Variants in EME2 observed in about 807,000 individuals in gnomAD.
EME2 encodes structure-specific endonuclease subunit EME2.
Under a neutral mutation model 41.9 loss-of-function variants are expected in EME2, and 58 were observed. That is an observed-to-expected ratio of 1.38 (90% CI 1.12 to 1.72). EME2 has a LOEUF of 1.72. EME2 is among the 40% of genes most tolerant of loss of function. The pLI, the probability that EME2 is intolerant of heterozygous loss-of-function variation, is 0.00. For synonymous variants in EME2, 334 were observed against 239.3 expected, an observed-to-expected ratio of 1.40 and a Z score of -3.65; for missense variants, 695 against 541.9, an observed-to-expected ratio of 1.28 and a Z score of -2.81.
rs772425480 is a variant in EME2 at position 1,775,847 on chromosome 16, C to G, written c.830C>G (p.Ala277Gly). 4 of 1,611,358 alleles carry G rather than the reference C, an allele frequency of 2.5e-6. No individual in the cohort carries two copies. Among genetic ancestry groups the G allele is most frequent in the Non-Finnish European group, 3.4e-6 (4 of 1,179,658 alleles). ...TCCTTCTGCACAGCAGGGCGCTGGG[C>G]AGCCGGCGAGCCAGTGGCAAGAGAC... ...AFSFCTAGRW[A>G]AGEPVARDGA... Residue 277 changes from alanine to glycine, a missense_variant, in exon 7 of 8, where the codon GCA (alanine) becomes GGA (glycine). Coordinates refer to ENST00000568449, the MANE Select transcript of EME2 (RefSeq NM_001257370.2).
In EME2 at chr16:1,773,342, G is replaced by A; in HGVS notation, c.115G>A (p.Glu39Lys). 1 of 1,519,336 alleles carries A rather than the reference G, an allele frequency of 6.6e-7. No individual in the cohort carries two copies. Among genetic ancestry groups the A allele is most frequent in the South Asian group, 1.2e-5 (1 of 81,650 alleles). The allele number at this position is 1,519,336 out of a possible 1,614,324, so 94.1% of individuals were successfully genotyped here. A position where few individuals can be genotyped will look rare whatever the true frequency, so the allele number is the denominator to read the frequency against. The change falls in exon 1 of 8, where the codon GAG becomes AAG. Residue 39 changes from glutamate (E) to lysine (K), a missense_variant. By Grantham distance (56) the Glu-to-Lys change is moderately conservative. Coordinates refer to ENST00000568449, the MANE Select transcript of EME2 (RefSeq NM_001257370.2). ...CTGGGAGATCTCAGACTCCGACGCT[G>A]AGGACTCCGCCGGCTCGGAGGCCGC... ...PTWEISDSDAEDSAGSEAAAR... is the reference protein window; with the variant it reads ...PTWEISDSDAKDSAGSEAAAR...
intron 2 of EME2, 134 bp from the exon 3 acceptor site, chr16:1,774,126 C>T (rs2042674140): frequency 4.9e-6 from 4 of 820,402 alleles, no homozygotes; most frequent in African/African-American, 1.7e-5. Context: ...GAACACTGGG[C>T]TTCTGTAGAG....
chr16:1,775,883 T>C lies in EME2; in HGVS notation c.866T>C (p.Leu289Pro). Residue 289 changes from leucine (L) to proline (P), a missense_variant, in exon 7 of 8, where the codon CTG becomes CCG. Transcript: ENST00000568449. Reference sequence around the variant, plus strand: ...CCAGTGGCAAGAGACGGCGCAGGGCTGCAGGCGGCCTGGCGGAGGCAGATC... The same window carrying C: ...CCAGTGGCAAGAGACGGCGCAGGGCCGCAGGCGGCCTGGCGGAGGCAGATC... ...GEPVARDGAG[L>P]QAAWRRQIRQ... 1 of 1,612,548 alleles carries C rather than the reference T, an allele frequency of 6.2e-7. No homozygotes were observed. Among genetic ancestry groups the C allele is most frequent in the Non-Finnish European group, 8.5e-7 (1 of 1,179,828 alleles).
At position 1,778,286 on chromosome 16, in the gene EME2, A is replaced by G. The variant is rs1373733599; in HGVS notation, c.*2048A>G. 1 of 1,612,650 alleles carries G rather than the reference A, an allele frequency of 6.2e-7. No homozygotes were observed. The highest frequency in any genetic ancestry group is 8.5e-7 in the Non-Finnish European group (1 of 1,179,980). On this transcript the variant is annotated 3_prime_UTR_variant, in exon 8 of 8. Transcript: ENST00000568449. ...TTGTCACAGCTCAGCAGGGTGGCTG[A>G]TGACTTATTTAAGTCATCCCAGACC...
intron 4 of EME2, 39 bp from the exon 5 acceptor site, chr16:1,775,276 C>T (rs796541274): frequency 1.2e-6 from 2 of 1,604,336 alleles, no homozygotes; most frequent in East Asian, 2.2e-5. Flanking sequence ...GCAGGGCAGG[C>T]CCCATGGGGA....
intron 4 of EME2, 70 bp downstream of exon 4, chr16:1,775,202 T>C: frequency 1.3e-6 from 2 of 1,590,090 alleles, no homozygotes; most frequent in East Asian, 2.2e-5. Context: ...GGCACACTTC[T>C]GGGGTTGCTG....
rs554225447 is a variant in EME2 at position 1,773,122 on chromosome 16, C to T, written c.-106C>T. 9 of 1,390,702 alleles carry T rather than the reference C, an allele frequency of 6.5e-6. No individual in the cohort carries two copies. In the East Asian group the frequency reaches 2.0e-4, roughly 32 times the overall value. The allele number at this position is 1,390,702 out of a possible 1,614,324, so 86.1% of individuals were successfully genotyped here. A position where few individuals can be genotyped will look rare whatever the true frequency, so the allele number is the denominator to read the frequency against. On this transcript the variant is annotated 5_prime_UTR_variant, in exon 1 of 8. Transcript: ENST00000568449. ...GGACGCACCTTCTTCCGCGCCATGG[C>T]GGGTCCGCGTCCTCAGCGGTCCGGC...
chr16:1,776,353 C>A lies in EME2; in HGVS notation c.*115C>A. Reference sequence around the variant, plus strand: ...CCCTCAGCCTGGGTGGGTTCTCTGGCTGAGCAGGTCTGACCTCAGGGGAAG... The same window carrying A: ...CCCTCAGCCTGGGTGGGTTCTCTGGATGAGCAGGTCTGACCTCAGGGGAAG... On this transcript the variant is annotated 3_prime_UTR_variant, in exon 8 of 8. Transcript: ENST00000568449. The A allele has an allele frequency of 1.9e-6, 2 of 1,028,540 alleles. No homozygotes were observed. The highest frequency in any genetic ancestry group is 2.9e-6 in the Non-Finnish European group (2 of 688,962). 63.7% of individuals were successfully genotyped at this position (1,028,540 alleles called of 1,614,324 possible). A position where few individuals can be genotyped will look rare whatever the true frequency, so the allele number is the denominator to read the frequency against.
At chr16:1,774,689 T>G (rs1439733170) in intron 3 of EME2, among the ~76,000 whole-genome samples, 2 of 152,136 alleles carry the variant, frequency 1.3e-5, no homozygotes, top group Non-Finnish European at 2.9e-5. Flanking sequence ...CCAGGTAGCG[T>G]GGGGTTAGGC....
Position 1,776,310 on chromosome 16 carries a change from C to T in EME2, c.*72C>T. On this transcript the variant is annotated 3_prime_UTR_variant, in exon 8 of 8. Transcript: ENST00000568449. ...AGACACCCTGGGCGGTGGGGGAGGACCCCCAGCCACATGTGGACCCTCAGC... is the reference window on the plus strand; with the variant it reads ...AGACACCCTGGGCGGTGGGGGAGGATCCCCAGCCACATGTGGACCCTCAGC... 8.7e-6 allele frequency: 13 copies of T among 1,495,570 alleles called. 1 individual carries two copies. The South Asian group carries it at 1.3e-4, about 15-fold the overall frequency. The allele number at this position is 1,495,570 out of a possible 1,614,324, so 92.6% of individuals were successfully genotyped here. A position where few individuals can be genotyped will look rare whatever the true frequency, so the allele number is the denominator to read the frequency against.
chr16:1,778,504 C>A lies in EME2; in HGVS notation c.*2266C>A. The A allele has an allele frequency of 6.2e-7, 1 of 1,612,076 alleles. No homozygotes were observed. The highest frequency in any genetic ancestry group is 8.5e-7 in the Non-Finnish European group (1 of 1,179,650). On this transcript the variant is annotated 3_prime_UTR_variant, in exon 8 of 8. Transcript: ENST00000568449. ...GAGTGCAGGCTGCTACAGAAGGAGG[C>A]CTCGCTCTGCCCAGCACAGTCACAG...
At chr16:1,773,919 C>T (rs1333384671) in intron 2 of EME2, 78 bp downstream of exon 2, 6 of 1,454,696 alleles carry the variant, frequency 4.1e-6, no homozygotes. Context: ...GGAGCTGTCC[C>T]TGAGGCAGCT....
Position 1,781,550 on chromosome 16 carries a change from G to C in EME2, c.*5312G>C, listed in dbSNP as rs1352878993. On this transcript the variant is annotated 3_prime_UTR_variant, in exon 8 of 8. Coordinates refer to ENST00000568449, the MANE Select transcript of EME2 (RefSeq NM_001257370.2). Reference sequence around the variant, plus strand: ...GAAGACTCACAGCACTCCCAGCCCTGAGCTTCCAGGCTGGGCCACGGACCC... The same window carrying C: ...GAAGACTCACAGCACTCCCAGCCCTCAGCTTCCAGGCTGGGCCACGGACCC... The C allele has an allele frequency of 5.1e-6, 8 of 1,570,362 alleles. No homozygotes were observed. The highest frequency in any genetic ancestry group is 6.1e-6 in the Non-Finnish European group (7 of 1,156,994).
rs1227020968 is a variant in EME2, at chr16:1,773,582, G to C, written c.247+108G>C. ...CGCGCGTGCCGAGGGGCCTGGGGCC[G>C]GGCCCGCCTCCCAGTCGGGGGTTTG... On this transcript the variant is annotated intron_variant, in intron 1 of 7. Transcript: ENST00000568449. 16 of 1,518,114 alleles carry C rather than the reference G, an allele frequency of 1.1e-5. No individual in the cohort carries two copies. The East Asian group carries it at 1.8e-4, about 17-fold the overall frequency. 94.0% of individuals were successfully genotyped at this position (1,518,114 alleles called of 1,614,324 possible).
rs1596858593 is a variant in EME2 at position 1,780,944 on chromosome 16, G to A, written c.*4706G>A. 1 of 343,776 alleles carries A rather than the reference G, an allele frequency of 2.9e-6. No homozygotes were observed. Among genetic ancestry groups the A allele is most frequent in the South Asian group, 2.3e-5 (1 of 43,628 alleles). The allele number at this position is 343,776 out of a possible 1,614,324, so 21.3% of individuals were successfully genotyped here. A position where few individuals can be genotyped will look rare whatever the true frequency, so the allele number is the denominator to read the frequency against. ...GACAGTGTTTCACCATGTTGCCCAG[G>A]CAGGTCTCAAACTCCTGGGCTCAAG... On this transcript the variant is annotated 3_prime_UTR_variant, in exon 8 of 8. Coordinates refer to ENST00000568449, the MANE Select transcript of EME2 (RefSeq NM_001257370.2).
chr16:1,775,957 G>C lies in EME2; in HGVS notation c.940G>C (p.Ala314Pro), dbSNP rs760181032. ...AGCCGTGGCTGATGCAGTTGTCACA[G>C]CCTTCCCCTCCCCCCGCCTTCTGCA... ...SPAVADAVVT[A>P]FPSPRLLQQA... Residue 314 changes from alanine to proline, a missense_variant, in exon 7 of 8, where the codon GCC becomes CCC. Coordinates refer to ENST00000568449, the MANE Select transcript of EME2 (RefSeq NM_001257370.2). 7 of 1,610,660 alleles carry C rather than the reference G, an allele frequency of 4.3e-6. No individual in the cohort carries two copies. Among genetic ancestry groups the C allele is most frequent in the Non-Finnish European group, 5.9e-6 (7 of 1,179,534 alleles).
Position 1,776,309 on chromosome 16 carries a change from A to AC in EME2, c.*76dup. 1 of 1,493,252 alleles carries AC rather than the reference A, an allele frequency of 6.7e-7. No individual in the cohort carries two copies. The highest frequency in any genetic ancestry group is 9.2e-7 in the Non-Finnish European group (1 of 1,088,948). The allele number at this position is 1,493,252 out of a possible 1,614,324, so 92.5% of individuals were successfully genotyped here. The stretch of plus-strand genomic sequence containing the variant: ...CAGACACCCTGGGCGGTGGGGGAGG[A>AC]CCCCCAGCCACATGTGGACCCTCAG... On this transcript the variant is annotated 3_prime_UTR_variant, in exon 8 of 8. Transcript: ENST00000568449.
In EME2 at chr16:1,776,509, C is replaced by G; in HGVS notation, c.*271C>G. ...GGGAGGCCTCAGCAGCAGGGCTGTG[C>G]CCCCCCAACACACACACACACTCGG... On this transcript the variant is annotated 3_prime_UTR_variant, in exon 8 of 8. Transcript: ENST00000568449. 2.2e-6 allele frequency: 1 copy of G among 450,848 alleles called. No individual in the cohort carries two copies. Among genetic ancestry groups the G allele is most frequent in the East Asian group, 3.6e-5 (1 of 27,640 alleles). 27.9% of individuals were successfully genotyped at this position (450,848 alleles called of 1,614,324 possible).
Position 1,780,943 on chromosome 16 carries a change from G to C in EME2, c.*4705G>C. On this transcript the variant is annotated 3_prime_UTR_variant, in exon 8 of 8. Transcript: ENST00000568449. Reference sequence around the variant, plus strand: ...AGACAGTGTTTCACCATGTTGCCCAGGCAGGTCTCAAACTCCTGGGCTCAA... The same window carrying C: ...AGACAGTGTTTCACCATGTTGCCCACGCAGGTCTCAAACTCCTGGGCTCAA... 2.9e-6 allele frequency: 1 copy of C among 345,068 alleles called. No individual in the cohort carries two copies. Among genetic ancestry groups the C allele is most frequent in the South Asian group, 2.3e-5 (1 of 43,908 alleles). 21.4% of individuals were successfully genotyped at this position (345,068 alleles called of 1,614,324 possible).
Sources: allele counts gnomAD v4.1 joint callset (sites outside exome capture counted in the v4.1 genomes callset), GRCh38; gene constraint gnomAD v4.1.1; transcripts MANE v1.5; gene names NCBI Gene and HGNC (gene_info 2026-07-23, HGNC 2026-07-21).